Variants in COG8 observed in about 807,000 individuals in gnomAD.
COG8 encodes the protein conserved oligomeric Golgi complex subunit 8.
A neutral mutation model predicts 46.5 loss-of-function variants in COG8; 45 were observed. That is an observed-to-expected ratio of 0.97 (90% CI 0.76 to 1.24). COG8 has a LOEUF of 1.24. COG8 is among the 50% of genes most tolerant of loss of function. The pLI is 0.00. For missense variants in COG8, 793 were observed against 820.8 expected (o/e 0.97, Z 0.41); for synonymous variants, 407 against 347.8 (o/e 1.17, Z -1.90).
intron 3 of COG8, 95 bp from the exon 4 acceptor site, chr16:69,332,977 T>G: frequency 8.6e-7 from 1 of 1,158,282 alleles, no homozygotes; most frequent in South Asian, 1.2e-5. Context: ...GCCCCTCCAG[T>G]TTTCCTGAAC....
Position 69,327,200 on chromosome 16 carries a change from G to A in COG8, c.*2006C>T, listed in dbSNP as rs982927626. 3 of 129,992 alleles carry A rather than the reference G, an allele frequency of 2.3e-5. No individual in the cohort carries two copies. Among genetic ancestry groups the A allele is most frequent in the Non-Finnish European group, 4.7e-5 (3 of 63,544 alleles). 8.1% of individuals were successfully genotyped at this position (129,992 alleles called of 1,614,324 possible). On this transcript the variant is annotated 3_prime_UTR_variant, in exon 6 of 6. Coordinates refer to ENST00000306875, the MANE Select transcript of COG8 (RefSeq NM_032382.5). The stretch of plus-strand genomic sequence containing the variant: ...TTTTTTTTTTTGAGACAGAGCCTTG[G>A]TCTGTCGCCCAGGCTGGAGTACAGT...
Position 69,330,720 on chromosome 16 carries a change from T to G in COG8, c.*26+93A>C, listed in dbSNP as rs550201036. On this transcript the variant is annotated intron_variant, in intron 5 of 5. Coordinates refer to ENST00000306875, the MANE Select transcript of COG8 (RefSeq NM_032382.5). ...CAGTGAGCACCGCCCCCTTCCGCTC[T>G]CCTCCCGGGAGCGCCTTCCCGCCTC... 11 of 1,409,890 alleles carry G rather than the reference T, an allele frequency of 7.8e-6. No homozygotes were observed. The African/African-American group carries it at 1.3e-4, about 17-fold the overall frequency. 87.3% of individuals were successfully genotyped at this position (1,409,890 alleles called of 1,614,324 possible). A position where few individuals can be genotyped will look rare whatever the true frequency, so the allele number is the denominator to read the frequency against.
chr16:69,330,089 A>G (rs943291277), intron 5 of COG8: 1 of 1,576,834 alleles, frequency 6.3e-7, no homozygotes, highest in East Asian at 2.4e-5. Context: ...GCGGCTGTCA[A>G]GCACTCGCAG....
Position 69,339,188 on chromosome 16 carries a change from T to G in COG8, c.365A>C (p.Gln122Pro). 6.2e-7 allele frequency: 1 copy of G among 1,612,960 alleles called. No homozygotes were observed. Among genetic ancestry groups the G allele is most frequent in the Non-Finnish European group, 8.5e-7 (1 of 1,179,924 alleles). Reference sequence around the variant, plus strand: ...AGGCGCGTCGCACCTGCAGCTCTGCTGGAAGCTGGGCAAACGGTCGAGCAG... The same window carrying G: ...AGGCGCGTCGCACCTGCAGCTCTGCGGGAAGCTGGGCAAACGGTCGAGCAG... ...GRLLDRLPSF[Q>P]QSCRNFVKEA... Residue 122 changes from glutamine to proline, a missense_variant, in exon 1 of 6, where the codon CAG becomes CCG. Physicochemically the swap from Gln to Pro is moderately conservative, Grantham distance 76. Transcript: ENST00000306875.
In COG8 at chr16:69,339,467, G is replaced by GA; in HGVS notation, c.85dup (p.Ser29PhefsTer58). ...CTCGGGGAAGCGGTCCCGGAACAGC[G>GA]ACGCCAGGAGCCCTTCATCCTCCAC... On this transcript the variant is annotated frameshift_variant, in exon 1 of 6. Coordinates refer to ENST00000306875, the MANE Select transcript of COG8 (RefSeq NM_032382.5). LOFTEE classifies it high-confidence loss of function. The GA allele has an allele frequency of 6.2e-7, 1 of 1,601,146 alleles. No homozygotes were observed. Among genetic ancestry groups the GA allele is most frequent in the East Asian group, 2.2e-5 (1 of 44,670 alleles).
chr16:69,332,424 G>A (rs1463959284), intron 4 of COG8, among the ~76,000 whole-genome samples: 1 of 151,942 alleles, frequency 6.6e-6, no homozygotes, highest in Non-Finnish European at 1.5e-5. Flanking sequence ...TAGTTCTTTT[G>A]TGACTGGCTT....
rs113006366 is a variant in COG8, at chr16:69,335,378, G to A, written c.586-30C>T. 1.3e-5 allele frequency: 20 copies of A among 1,530,978 alleles called. 1 individual carries two copies. The highest frequency in any genetic ancestry group is 7.0e-5 in the South Asian group (6 of 85,484). The allele number at this position is 1,530,978 out of a possible 1,614,324, so 94.8% of individuals were successfully genotyped here. Reference sequence around the variant, plus strand: ...CAATACACAGAGAGAGTCACACTGCGCTGGGAAGGATGCTCTCTAGAACCC... The same window carrying A: ...CAATACACAGAGAGAGTCACACTGCACTGGGAAGGATGCTCTCTAGAACCC... On this transcript the variant is annotated intron_variant, in intron 2 of 5. Coordinates refer to ENST00000306875, the MANE Select transcript of COG8 (RefSeq NM_032382.5).
At chr16:69,330,256 C>G in intron 5 of COG8, 2 of 1,438,130 alleles carry the variant, frequency 1.4e-6, no homozygotes, top group South Asian at 2.8e-5. Flanking sequence ...CGCAGCGCCG[C>G]CGCCGCATCA....
Position 69,334,655 on chromosome 16 carries a change from T to A in COG8, c.1279A>T (p.Met427Leu). ...ATQPGTLQPP[M>L]VLLDFPPLAC... ...AGGGGTGGGAAATCTAGGAGCACCA[T>A]GGGTGGCTGCAGCGTCCCCGGCTGG... The change falls in exon 3 of 6, where the codon ATG (methionine) becomes TTG (leucine). Residue 427 changes from methionine (M) to leucine (L), a missense_variant. Met to Leu is a conservative substitution (Grantham distance 15). Coordinates refer to ENST00000306875, the MANE Select transcript of COG8 (RefSeq NM_032382.5). The A allele has an allele frequency of 1.2e-6, 2 of 1,614,190 alleles. No homozygotes were observed. Among genetic ancestry groups the A allele is most frequent in the Middle Eastern group, 1.6e-4 (1 of 6,062 alleles).
chr16:69,336,482 T>A, intron 2 of COG8, 23 bp downstream of exon 2: 1 of 1,607,986 alleles, frequency 6.2e-7, no homozygotes, highest in Non-Finnish European at 8.5e-7. Context: ...TTACTTTGAG[T>A]CCTCTCTGGG....
At chr16:69,334,489 A>C in intron 3 of COG8, 32 bp downstream of exon 3, 1 of 1,588,230 alleles carries the variant, frequency 6.3e-7, no homozygotes, top group Non-Finnish European at 8.6e-7. Flanking sequence ...GAGAAGGCCC[A>C]GGGTAGCAGA....
chr16:69,330,246 C>G (rs2011686285), intron 5 of COG8: 1 of 1,438,612 alleles, frequency 7.0e-7, no homozygotes, highest in African/African-American at 1.5e-5. Flanking sequence ...CTTAGGCCCA[C>G]GCAGCGCCGC....
chr16:69,330,385 C>A (rs571186933), intron 5 of COG8: 1 of 1,479,308 alleles, frequency 6.8e-7, no homozygotes, highest in Non-Finnish European at 8.9e-7. Context: ...GCGAGAACGG[C>A]GGTTCGGGAG....
At chr16:69,335,619 C>T (rs1017306762) in intron 2 of COG8, among the ~76,000 whole-genome samples, 9 of 152,046 alleles carry the variant, frequency 5.9e-5, no homozygotes, top group Non-Finnish European at 1.0e-4. Flanking sequence ...GAGTTTGAGA[C>T]CAATCTGGCC....
chr16:69,332,211 G>A (rs780798615), intron 4 of COG8, among the ~76,000 whole-genome samples: 23 of 152,176 alleles, frequency 1.5e-4, no homozygotes, highest in Admixed American at 4.6e-4. Flanking sequence ...TTAGCTGGGC[G>A]TGGTGGTGCG....
At chr16:69,331,176 G>T in intron 4 of COG8, 81 bp from the exon 5 acceptor site, 1 of 1,498,588 alleles carries the variant, frequency 6.7e-7, no homozygotes, top group Non-Finnish European at 9.1e-7. Flanking sequence ...GGCCGGGCGC[G>T]GTGGCTCACG....
In COG8 at chr16:69,328,501, T is replaced by C. The variant is rs1265213887; in HGVS notation, c.*705A>G. ...GGCTGTTAAAATGTGTGGGCACTCA[T>C]TTACACTCGTGCTGTCATGAAACAC... On this transcript the variant is annotated 3_prime_UTR_variant, in exon 6 of 6. Coordinates refer to ENST00000306875, the MANE Select transcript of COG8 (RefSeq NM_032382.5). 6.3e-6 allele frequency: 1 copy of C among 158,250 alleles called. No individual in the cohort carries two copies. The highest frequency in any genetic ancestry group is 1.4e-5 in the Non-Finnish European group (1 of 72,290). The allele number at this position is 158,250 out of a possible 1,614,324, so 9.8% of individuals were successfully genotyped here.
chr16:69,329,188 G>T lies in COG8; in HGVS notation c.*27-9C>A. 6.3e-7 allele frequency: 1 copy of T among 1,585,794 alleles called. No individual in the cohort carries two copies. On this transcript the variant is annotated splice_polypyrimidine_tract_variant and intron_variant, in intron 5 of 5. Transcript: ENST00000306875. Reference sequence around the variant, plus strand: ...TCCATTGGGGTCCAGCCCTGCAAAGGAAGTTACAGCCCTGGTGAGTGGGAA... The same window carrying T: ...TCCATTGGGGTCCAGCCCTGCAAAGTAAGTTACAGCCCTGGTGAGTGGGAA...
intron 1 of COG8, among the ~76,000 whole-genome samples, chr16:69,337,498 T>C (rs1168411305): frequency 6.6e-6 from 1 of 152,140 alleles, no homozygotes; most frequent in Non-Finnish European, 1.5e-5. Context: ...TCCCCTCAGG[T>C]CTTCATCTTC....
Sources: gnomAD v4.1 joint callset for allele counts (sites outside exome capture counted in the v4.1 genomes callset) on GRCh38, gnomAD v4.1.1 for gene constraint, MANE v1.5 for transcripts, NCBI Gene and HGNC (gene_info 2026-07-23, HGNC 2026-07-21) for gene names.